Variants in RPS6KC1 observed in about 807,000 individuals in gnomAD.
RPS6KC1 encodes ribosomal protein S6 kinase C1.
In RPS6KC1, 54 loss-of-function variants were observed where a neutral mutation model predicts 103.8. The observed-to-expected ratio is 0.52, with a 90% CI of 0.42 to 0.65. The LOEUF (loss-of-function observed/expected upper bound fraction) is 0.65. Among genes scored for constraint, RPS6KC1 ranks in the 30% least tolerant of loss-of-function variants. RPS6KC1 has a pLI of 0.00. For synonymous variants in RPS6KC1, 439 were observed against 438.7 expected (o/e 1.00, Z -0.01); for missense variants, 1,151 against 1,253.8 (o/e 0.92, Z 1.24).
At chr1:213,584,404 A>G in the RPS6KC1 span, among the ~76,000 whole-genome samples, 1 of 152,190 alleles carries the variant, frequency 6.6e-6, no homozygotes, top group Non-Finnish European at 1.5e-5. Context: ...TTTTCCAGAG[A>G]AAATCCCCTC....
At chr1:213,710,284 T>C in the RPS6KC1 span, among the ~76,000 whole-genome samples, 1 of 152,200 alleles carries the variant, frequency 6.6e-6, no homozygotes, top group Non-Finnish European at 1.5e-5. Flanking sequence ...CTTCTTTGTC[T>C]TTTTTTATCT....
intron 4 of RPS6KC1, among the ~76,000 whole-genome samples, chr1:213,106,083 A>T (rs530172003): frequency 1.1e-4 from 17 of 152,336 alleles, no homozygotes; most frequent in South Asian, 2.1e-4. Context: ...TGTCATTTTC[A>T]GAGTTTGTGA....
the RPS6KC1 span, among the ~76,000 whole-genome samples, chr1:213,584,961 C>G: frequency 6.6e-6 from 1 of 152,116 alleles, no homozygotes; most frequent in African/African-American, 2.4e-5. Flanking sequence ...TTTTTTTACT[C>G]ATAGTTTTCT....
At chr1:213,685,457 C>A in the RPS6KC1 span, among the ~76,000 whole-genome samples, 1 of 151,988 alleles carries the variant, frequency 6.6e-6, no homozygotes, top group Non-Finnish European at 1.5e-5. Context: ...ATGGTGAAAA[C>A]CCCTCTCTAC....
the RPS6KC1 span, among the ~76,000 whole-genome samples, chr1:213,762,162 A>C: frequency 6.6e-6 from 1 of 151,500 alleles, no homozygotes; most frequent in Non-Finnish European, 1.5e-5. Context: ...TCGGGCAGGG[A>C]CTCTGCCTTG....
chr1:213,127,184 T>C (rs1227484380), intron 5 of RPS6KC1, among the ~76,000 whole-genome samples: 1 of 152,168 alleles, frequency 6.6e-6, no homozygotes, highest in African/African-American at 2.4e-5. Context: ...AAAGCAAAAC[T>C]GTTTTGATAA....
At chr1:213,791,042 G>T in the RPS6KC1 span, among the ~76,000 whole-genome samples, 1 of 96,448 alleles carries the variant, frequency 1.0e-5, no homozygotes, top group African/African-American at 9.2e-5. Context: ...AGGACTTGAA[G>T]AACCATGGTA....
chr1:213,823,100 C>A, the RPS6KC1 span, among the ~76,000 whole-genome samples: 3 of 152,178 alleles, frequency 2.0e-5, no homozygotes, highest in Non-Finnish European at 4.4e-5. Flanking sequence ...TAAATCAAAG[C>A]CTTGCTACTT....
the RPS6KC1 span, among the ~76,000 whole-genome samples, chr1:213,374,246 A>G: frequency 6.6e-6 from 1 of 152,250 alleles, no homozygotes; most frequent in African/African-American, 2.4e-5. Context: ...GTTCAATCAA[A>G]TAAATCTGGA....
rs1030430752 is a variant in RPS6KC1 at position 213,152,268 on chromosome 1, C to G, written c.836-15590C>G. On this transcript the variant is annotated intron_variant, in intron 6 of 14. Coordinates refer to ENST00000366960, the MANE Select transcript of RPS6KC1 (RefSeq NM_012424.6). ...CTCCCTCCCGGACGGGGCGGCTGGC[C>G]TGGCGGGGGGCTGATCCCCCTACCT... is the stretch of plus-strand genomic sequence containing the variant. 4.9e-5 allele frequency among the ~76,000 whole-genome samples: 7 copies of G among 143,042 alleles called. No homozygotes were observed. In the East Asian group the frequency reaches 1.5e-3, roughly 31 times the overall value. 93.8% of individuals were successfully genotyped at this position (143,042 alleles called of 152,430 possible). A position where few individuals can be genotyped will look rare whatever the true frequency, so the allele number is the denominator to read the frequency against.
the RPS6KC1 span, among the ~76,000 whole-genome samples, chr1:213,609,629 A>G: frequency 6.6e-6 from 1 of 151,942 alleles, no homozygotes. Context: ...AGTGTGCACT[A>G]GGAGGAAAAT....
At chr1:213,347,097 C>T in the RPS6KC1 span, among the ~76,000 whole-genome samples, 1 of 152,118 alleles carries the variant, frequency 6.6e-6, no homozygotes, top group East Asian at 1.9e-4. Flanking sequence ...ACACGTAGAC[C>T]TTTTCACAGG....
At chr1:213,498,780 T>G in the RPS6KC1 span, among the ~76,000 whole-genome samples, 6 of 141,018 alleles carry the variant, frequency 4.3e-5, no homozygotes, top group Admixed American at 3.6e-4. Context: ...AGATTTTTTT[T>G]TTTTTTTTTT....
chr1:213,370,869 T>TGGG, the RPS6KC1 span, among the ~76,000 whole-genome samples: 1 of 152,156 alleles, frequency 6.6e-6, no homozygotes, highest in Non-Finnish European at 1.5e-5. Flanking sequence ...AGTACCAGAA[T>TGGG]GGGGCAGAGA....
At chr1:213,118,726 G>A (rs1011711512) in intron 5 of RPS6KC1, among the ~76,000 whole-genome samples, 2 of 151,800 alleles carry the variant, frequency 1.3e-5, no homozygotes, top group South Asian at 4.2e-4. Flanking sequence ...CATTGACTTA[G>A]CATCTATTTA....
the RPS6KC1 span, among the ~76,000 whole-genome samples, chr1:213,748,170 G>A: frequency 6.6e-6 from 1 of 152,166 alleles, no homozygotes; most frequent in Non-Finnish European, 1.5e-5. Flanking sequence ...CAAAATGGAA[G>A]AAGTCAGCCT....
the RPS6KC1 span, among the ~76,000 whole-genome samples, chr1:213,416,829 C>G: frequency 6.6e-6 from 1 of 152,164 alleles, no homozygotes; most frequent in African/African-American, 2.4e-5. Flanking sequence ...TGAAGAGGGA[C>G]TGGGGTCTGC....
chr1:213,459,330 C>G, the RPS6KC1 span, among the ~76,000 whole-genome samples: 2 of 152,000 alleles, frequency 1.3e-5, no homozygotes, highest in African/African-American at 4.8e-5. Flanking sequence ...CTGGTTTAGT[C>G]TTGGGAGGAT....
At chr1:213,151,873 G>C (rs1231190274) in intron 6 of RPS6KC1, among the ~76,000 whole-genome samples, 7 of 114,058 alleles carry the variant, frequency 6.1e-5, no homozygotes, top group African/African-American at 2.5e-4. Context: ...CTGGCCGGGC[G>C]GGGGGCTGAT....
Sources: allele counts gnomAD v4.1 joint callset (sites outside exome capture counted in the v4.1 genomes callset), GRCh38; gene constraint gnomAD v4.1.1; transcripts MANE v1.5; gene names NCBI Gene and HGNC (gene_info 2026-07-23, HGNC 2026-07-21).